The following STIP1 variants were observed in gnomAD, a reference collection of about 807,000 sequenced individuals.
STIP1 encodes the protein stress-induced-phosphoprotein 1.
A neutral mutation model predicts 77.4 loss-of-function variants in STIP1; 16 were observed. The ratio of observed to expected loss-of-function variants is 0.21; its 90% CI spans 0.14 to 0.31. The LOEUF (loss-of-function observed/expected upper bound fraction) is 0.31. STIP1 is among the 10% of genes least tolerant of loss of function. The probability of loss-of-function intolerance (pLI) is 1.00; values close to 1 mark genes in which losing one functional copy is unlikely to be tolerated. For missense variants in STIP1, 524 were observed against 684.8 expected, an observed-to-expected ratio of 0.77 and a Z score of 2.62; for synonymous variants, 258 against 246.6, an observed-to-expected ratio of 1.05 and a Z score of -0.44.
At position 64,194,486 on chromosome 11, in the gene STIP1, A is replaced by G. The variant is rs1176986392; in HGVS notation, c.369A>G (p.Lys123=). ...TTTCCTTTATTTGGACAGAGAGAAA[A>G]TTCATGAACCCTTTCAACATGCCTA... ...QNMEARLAER[K]FMNPFNMPNL... is the part of the protein sequence containing the mutation. Residue 123 remains lysine (K), a synonymous_variant, in exon 4 of 14, where the codon AAA becomes AAG. Transcript: ENST00000305218. The G allele has an allele frequency of 1.4e-5, 23 of 1,614,020 alleles. No homozygotes were observed. Among genetic ancestry groups the G allele is most frequent in the Non-Finnish European group, 1.9e-5 (22 of 1,180,018 alleles).
At chr11:64,197,666 A>T in intron 7 of STIP1, 71 bp downstream of exon 7, 1 of 1,588,974 alleles carries the variant, frequency 6.3e-7, no homozygotes, top group Non-Finnish European at 8.6e-7. Flanking sequence ...GTTTCTCTGC[A>T]TGGGGAGGAG....
intron 10 of STIP1, 64 bp downstream of exon 10, chr11:64,200,357 T>A: frequency 3.9e-6 from 6 of 1,544,378 alleles, no homozygotes; most frequent in Non-Finnish European, 5.2e-6. Context: ...GTTTTCTCTC[T>A]CTCTCCTCAT....
In STIP1 at chr11:64,203,537, G is replaced by A. The variant is rs1591017075; in HGVS notation, c.1474G>A (p.Asp492Asn). ...AGATGTGAAGCGACGAGCCATGGCC[G>A]ACCCTGAGGTGCAGCAGATCATGAG... ...PEDVKRRAMADPEVQQIMSDP... is the reference protein window; with the variant it reads ...PEDVKRRAMANPEVQQIMSDP... Residue 492 changes from aspartate to asparagine, a missense_variant, in exon 13 of 14, where the codon GAC becomes AAC. Transcript: ENST00000305218. 4.3e-6 allele frequency: 7 copies of A among 1,614,140 alleles called. No individual in the cohort carries two copies. Among genetic ancestry groups the A allele is most frequent in the Non-Finnish European group, 5.1e-6 (6 of 1,180,038 alleles).
intron 10 of STIP1, chr11:64,202,517 G>C (rs1946230281): frequency 4.6e-6 from 1 of 217,118 alleles, no homozygotes; most frequent in Admixed American, 5.4e-5. Context: ...CAGAGTGCTG[G>C]GATTACAGGC....
At chr11:64,187,098 G>C (rs1946031362) in intron 1 of STIP1, among the ~76,000 whole-genome samples, 1 of 152,098 alleles carries the variant, frequency 6.6e-6, no homozygotes. Flanking sequence ...AATTTACAGA[G>C]ATCAACCGCT....
At chr11:64,193,472 TA>T (rs1946114769) in intron 2 of STIP1, 185 bp downstream of exon 2, 3 of 615,584 alleles carry the variant, frequency 4.9e-6, no homozygotes, top group African/African-American at 3.7e-5. Flanking sequence ...ATACAGGCTT[TA>T]TTTTTGGTAC....
intron 5 of STIP1, among the ~76,000 whole-genome samples, chr11:64,196,628 T>C (rs1946153626): frequency 6.6e-6 from 1 of 152,058 alleles, no homozygotes; most frequent in African/African-American, 2.4e-5. Flanking sequence ...GGACATGGTG[T>C]GTGGTTGGGA....
At chr11:64,186,949 A>G (rs563755872) in intron 1 of STIP1, among the ~76,000 whole-genome samples, 8 of 152,312 alleles carry the variant, frequency 5.3e-5, no homozygotes, top group South Asian at 2.1e-4. Flanking sequence ...CATCTCTGAC[A>G]GTGTTTTACA....
intron 5 of STIP1, 86 bp from the exon 6 acceptor site, chr11:64,197,185 C>T (rs2236648): frequency 0.41 from 646,334 of 1,557,512 alleles, 135,778 homozygotes; most frequent in Admixed American, 0.55. Context: ...ATGTTAGTTG[C>T]ATTTCAGAAC....
In STIP1 at chr11:64,197,264, C is replaced by T. The variant is rs763044943; in HGVS notation, c.673-7C>T. The T allele has an allele frequency of 1.9e-6, 3 of 1,614,008 alleles. No individual in the cohort carries two copies. In the Admixed American group the frequency reaches 5.0e-5, roughly 27 times the overall value. ...TTGCTCAGCACTCACTTCTAAACCT[C>T]ATCTAGGCACTGAAAGAAAAAGAGC... On this transcript the variant is annotated splice_polypyrimidine_tract_variant and splice_region_variant and intron_variant, in intron 5 of 13. Transcript: ENST00000305218.
At chr11:64,191,632 G>A (rs1416324857) in intron 1 of STIP1, among the ~76,000 whole-genome samples, 2 of 152,076 alleles carry the variant, frequency 1.3e-5, no homozygotes, top group Non-Finnish European at 2.9e-5. Context: ...AATACAATGA[G>A]CTTCTCAAGG....
intron 10 of STIP1, 181 bp from the exon 11 acceptor site, chr11:64,202,695 C>T: frequency 1.5e-6 from 1 of 649,374 alleles, no homozygotes; most frequent in South Asian, 1.9e-5. Flanking sequence ...CAGCCTCTTG[C>T]AGAGTCCAGG....
chr11:64,203,241 C>G lies in STIP1; in HGVS notation c.1386+13C>G. On this transcript the variant is annotated intron_variant, in intron 12 of 13. Coordinates refer to ENST00000305218, the MANE Select transcript of STIP1 (RefSeq NM_006819.3). ...CTCCAGCTGTAAGGTGGGGCTGCTT[C>G]TGGCCTCCAGGGGCCCCCCCTGCCT... 6.2e-7 allele frequency: 1 copy of G among 1,613,374 alleles called. No individual in the cohort carries two copies. The highest frequency in any genetic ancestry group is 8.5e-7 in the Non-Finnish European group (1 of 1,179,982).
chr11:64,200,105 A>G, intron 9 of STIP1, 64 bp from the exon 10 acceptor site: 2 of 1,612,510 alleles, frequency 1.2e-6, no homozygotes, highest in South Asian at 1.1e-5. Context: ...CTGTGGGGTA[A>G]ATGGCCGGCT....
At chr11:64,190,195 C>G (rs1162905458) in intron 1 of STIP1, among the ~76,000 whole-genome samples, 1 of 151,696 alleles carries the variant, frequency 6.6e-6, no homozygotes, top group East Asian at 1.9e-4. Context: ...TTTTTTGAGA[C>G]TGAGTTTCGC....
At chr11:64,196,025 C>T (rs1946146653) in intron 5 of STIP1, 5 of 653,090 alleles carry the variant, frequency 7.7e-6, no homozygotes, top group Non-Finnish European at 1.3e-5. Context: ...CCACTGTGCC[C>T]ACCTAAAACT....
chr11:64,195,538 G>A (rs1946139551), intron 4 of STIP1, 107 bp from the exon 5 acceptor site: 1 of 1,141,672 alleles, frequency 8.8e-7, no homozygotes, highest in South Asian at 1.7e-5. Context: ...GATGGGTGAG[G>A]AGCTTCTAAA....
At chr11:64,190,746 C>T (rs1488772383) in intron 1 of STIP1, among the ~76,000 whole-genome samples, 1 of 152,156 alleles carries the variant, frequency 6.6e-6, no homozygotes, top group African/African-American at 2.4e-5. Context: ...TGTGGTGGTT[C>T]ACCTTTGGGA....
At chr11:64,187,143 C>T (rs1207063371) in intron 1 of STIP1, among the ~76,000 whole-genome samples, 1 of 152,036 alleles carries the variant, frequency 6.6e-6, no homozygotes, top group African/African-American at 2.4e-5. Flanking sequence ...ATTTGAGGGG[C>T]CGAGTTTGAA....
Sources: gnomAD v4.1 joint callset for allele counts (sites outside exome capture counted in the v4.1 genomes callset) on GRCh38, gnomAD v4.1.1 for gene constraint, MANE v1.5 for transcripts, NCBI Gene and HGNC (gene_info 2026-07-23, HGNC 2026-07-21) for gene names.